The following SLC6A3 variants were observed in gnomAD, a reference collection of about 807,000 sequenced individuals.
The protein encoded by SLC6A3 is solute carrier family 6 member 3.
Under a neutral mutation model 70.4 loss-of-function variants are expected in SLC6A3, and 19 were observed. The observed-to-expected ratio is 0.27, with a 90% confidence interval of 0.19 to 0.40. The LOEUF (loss-of-function observed/expected upper bound fraction) is 0.40. SLC6A3 is among the 10% of genes least tolerant of loss of function. The probability of loss-of-function intolerance (pLI) is 1.00; values close to 1 mark genes in which losing one functional copy is unlikely to be tolerated. For missense variants in SLC6A3, 613 were observed against 838.5 expected (o/e 0.73, Z 3.32); for synonymous variants, 368 against 356.6 (o/e 1.03, Z -0.36).
At chr5:1,423,231 C>CA (rs70957364) in intron 4 of SLC6A3, among the ~76,000 whole-genome samples, 8 of 62,080 alleles carry the variant, frequency 1.3e-4, no homozygotes, top group African/African-American at 3.1e-4. Context: ...CCGCTGCCCA[C>CA]GGTGCTGCCC....
rs1755850687 is a variant in SLC6A3, at chr5:1,401,496, C to G, written c.1768-510G>C. On this transcript the variant is annotated intron_variant, in intron 13 of 14. Transcript: ENST00000270349. This position sits in a 1 kb window ranked among gnomAD's most constrained non-coding sequence, Gnocchi z 6.1. ...GGCAGCTCCTGGGGCCTGGACAGCA[C>G]CAAGTCCTCCCAGAGCAGGCAGCAT... 1.3e-5 allele frequency among the ~76,000 whole-genome samples: 2 copies of G among 152,194 alleles called. No homozygotes were observed. The highest frequency in any genetic ancestry group is 2.9e-5 in the Non-Finnish European group (2 of 68,020).
chr5:1,401,668 T>C lies in SLC6A3; in HGVS notation c.1768-682A>G, dbSNP rs940135656. Among the ~76,000 whole-genome samples, 1 of 152,194 alleles carries C rather than the reference T, an allele frequency of 6.6e-6. No individual in the cohort carries two copies. Among genetic ancestry groups the C allele is most frequent in the South Asian group, 2.1e-4 (1 of 4,832 alleles). ...CCTGGCTCAGCTGCTGAGGTTTTAC[T>C]TGGCTTACGTTCAGAGTTTGGCCAT... On this transcript the variant is annotated intron_variant, in intron 13 of 14. Coordinates refer to ENST00000270349, the MANE Select transcript of SLC6A3 (RefSeq NM_001044.5). The surrounding 1 kb of genome is among the most constrained non-coding windows in gnomAD (Gnocchi z 6.1).
At chr5:1,412,765 C>A (rs147393586) in intron 8 of SLC6A3, among the ~76,000 whole-genome samples, 2 of 152,228 alleles carry the variant, frequency 1.3e-5, no homozygotes, top group South Asian at 2.1e-4. Context: ...AATAGGCCTG[C>A]GCCTGGCCTT....
chr5:1,431,404 G>A (rs991856076), intron 4 of SLC6A3, among the ~76,000 whole-genome samples: 14 of 152,176 alleles, frequency 9.2e-5, no homozygotes, highest in African/African-American at 3.1e-4. Flanking sequence ...TGAGGGACGG[G>A]CCTGGATGGG....
At chr5:1,410,341 G>C (rs553982757) in intron 9 of SLC6A3, among the ~76,000 whole-genome samples, 15 of 152,308 alleles carry the variant, frequency 9.8e-5, no homozygotes, top group African/African-American at 3.1e-4. Flanking sequence ...TCTTCACCTT[G>C]CTCGGTCCAG....
intron 7 of SLC6A3, among the ~76,000 whole-genome samples, chr5:1,415,084 G>A (rs1380799574): frequency 6.6e-6 from 1 of 152,094 alleles, no homozygotes; most frequent in Non-Finnish European, 1.5e-5. Context: ...CGCGAGTCTT[G>A]CTGTGGACAC....
In SLC6A3 at chr5:1,411,230, G is replaced by A; in HGVS notation, c.1269+13C>T. ...ACTGCCGAGGACAGGGCCGGGCGGT[G>A]CGGGTTACTCACGGCGCTGTCGATA... is the stretch of plus-strand genomic sequence containing the variant. On this transcript the variant is annotated intron_variant, in intron 9 of 14. Transcript: ENST00000270349. The surrounding 1 kb of genome is among the most constrained non-coding windows in gnomAD (Gnocchi z 6.5). 3 of 1,526,274 alleles carry A rather than the reference G, an allele frequency of 2.0e-6. No homozygotes were observed. Among genetic ancestry groups the A allele is most frequent in the Non-Finnish European group, 2.7e-6 (3 of 1,124,956 alleles). The allele number at this position is 1,526,274 out of a possible 1,614,324, so 94.5% of individuals were successfully genotyped here. A position where few individuals can be genotyped will look rare whatever the true frequency, so the allele number is the denominator to read the frequency against.
chr5:1,411,129 T>C lies in SLC6A3; in HGVS notation c.1269+114A>G. Reference sequence around the variant, plus strand: ...GCTCGCCCAAGTCAAGGACAGGAGGTCTGGGGGCCGTACGTGAGCCCAGGG... The same window carrying C: ...GCTCGCCCAAGTCAAGGACAGGAGGCCTGGGGGCCGTACGTGAGCCCAGGG... On this transcript the variant is annotated intron_variant, in intron 9 of 14. Transcript: ENST00000270349. The surrounding 1 kb of genome is among the most constrained non-coding windows in gnomAD (Gnocchi z 6.5). The C allele has an allele frequency of 1.3e-6, 1 of 750,290 alleles. No homozygotes were observed. The highest frequency in any genetic ancestry group is 1.7e-5 in the African/African-American group (1 of 57,954). The allele number at this position is 750,290 out of a possible 1,614,324, so 46.5% of individuals were successfully genotyped here. A position where few individuals can be genotyped will look rare whatever the true frequency, so the allele number is the denominator to read the frequency against.
rs959883434 is a variant in SLC6A3, at chr5:1,436,880, C to T, written c.419-4182G>A. Among the ~76,000 whole-genome samples the T allele has an allele frequency of 2.0e-5, 3 of 152,162 alleles. No homozygotes were observed. Among genetic ancestry groups the T allele is most frequent in the Non-Finnish European group, 2.9e-5 (2 of 68,042 alleles). ...GGAGAGGGTGTTGTCAACGCATGCA[C>T]GGATCCCGCTGGAGGAAGCCTCTGG... On this transcript the variant is annotated intron_variant, in intron 3 of 14. Coordinates refer to ENST00000270349, the MANE Select transcript of SLC6A3 (RefSeq NM_001044.5). This position sits in a 1 kb window ranked among gnomAD's most constrained non-coding sequence, Gnocchi z 5.2.
intron 3 of SLC6A3, among the ~76,000 whole-genome samples, chr5:1,434,799 C>T (rs571156415): frequency 1.3e-5 from 2 of 152,194 alleles, no homozygotes; most frequent in Admixed American, 6.5e-5. Context: ...TTTATAGTCT[C>T]AATCCTTAGG....
rs969466943 is a variant in SLC6A3, at chr5:1,436,888, G to A, written c.419-4190C>T. 2.6e-5 allele frequency among the ~76,000 whole-genome samples: 4 copies of A among 152,166 alleles called. No individual in the cohort carries two copies. The highest frequency in any genetic ancestry group is 4.4e-5 in the Non-Finnish European group (3 of 68,010). On this transcript the variant is annotated intron_variant, in intron 3 of 14. Coordinates refer to ENST00000270349, the MANE Select transcript of SLC6A3 (RefSeq NM_001044.5). This position sits in a 1 kb window ranked among gnomAD's most constrained non-coding sequence, Gnocchi z 5.2. The stretch of plus-strand genomic sequence containing the variant: ...TGTTGTCAACGCATGCACGGATCCC[G>A]CTGGAGGAAGCCTCTGGTGGAGCAG...
rs1389162966 is a variant in SLC6A3, at chr5:1,413,089, C to T, written c.1156+1602G>A. On this transcript the variant is annotated intron_variant, in intron 8 of 14. Coordinates refer to ENST00000270349, the MANE Select transcript of SLC6A3 (RefSeq NM_001044.5). This position sits in a 1 kb window ranked among gnomAD's most constrained non-coding sequence, Gnocchi z 7.1. Reference sequence around the variant, plus strand: ...GAATTAAGGCTGTAAATGACATTTACTTTGCTTGTCATGAAATGCACAGAA... The same window carrying T: ...GAATTAAGGCTGTAAATGACATTTATTTTGCTTGTCATGAAATGCACAGAA... Among the ~76,000 whole-genome samples the T allele has an allele frequency of 1.3e-5, 2 of 152,246 alleles. No individual in the cohort carries two copies. Among genetic ancestry groups the T allele is most frequent in the African/African-American group, 4.8e-5 (2 of 41,464 alleles).
chr5:1,400,333 C>T (rs1047307587), intron 14 of SLC6A3, among the ~76,000 whole-genome samples: 4 of 152,202 alleles, frequency 2.6e-5, no homozygotes, highest in Non-Finnish European at 4.4e-5. Flanking sequence ...AGTAAAAACA[C>T]GTCAAGTGTT....
rs1354734950 is a variant in SLC6A3, at chr5:1,437,953, G to T, written c.418+3406C>A. On this transcript the variant is annotated intron_variant, in intron 3 of 14. Transcript: ENST00000270349. This position sits in a 1 kb window ranked among gnomAD's most constrained non-coding sequence, Gnocchi z 4.8. ...ATTTTTAAAAAGGACAAAGGCACATGTATCAGGGTGCCGGGGGTGCATGGT... is the reference window on the plus strand; with the variant it reads ...ATTTTTAAAAAGGACAAAGGCACATTTATCAGGGTGCCGGGGGTGCATGGT... Among the ~76,000 whole-genome samples, 1 of 152,232 alleles carries T rather than the reference G, an allele frequency of 6.6e-6. No homozygotes were observed. Among genetic ancestry groups the T allele is most frequent in the Non-Finnish European group, 1.5e-5 (1 of 68,034 alleles).
intron 4 of SLC6A3, among the ~76,000 whole-genome samples, chr5:1,426,977 G>C (rs1472366375): frequency 6.6e-6 from 1 of 152,154 alleles, no homozygotes; most frequent in Non-Finnish European, 1.5e-5. Context: ...CCCCCAAGAA[G>C]GCAAAATACT....
In SLC6A3 at chr5:1,394,841, G is replaced by A. The variant is rs1755677151; in HGVS notation, c.1840-83C>T. ...CTGAAGGTGGCTAAGAGCAGCTGAA[G>A]GCAGTGAGCAGACAGTTTGCAGCCT... On this transcript the variant is annotated intron_variant, in intron 14 of 14. Transcript: ENST00000270349. The surrounding 1 kb of genome is among the most constrained non-coding windows in gnomAD (Gnocchi z 4.7). The A allele has an allele frequency of 6.7e-7, 1 of 1,483,806 alleles. No individual in the cohort carries two copies. Among genetic ancestry groups the A allele is most frequent in the South Asian group, 1.1e-5 (1 of 88,298 alleles). The allele number at this position is 1,483,806 out of a possible 1,614,324, so 91.9% of individuals were successfully genotyped here.
chr5:1,432,518 T>C lies in SLC6A3; in HGVS notation c.599A>G (p.Asp200Gly), dbSNP rs1391076625. Residue 200 changes from aspartate to glycine, a missense_variant, in exon 4 of 15, where the codon GAC becomes GGC. This residue lies in a region of SLC6A3 where 153 missense variants were observed against 249.4 expected (regional missense o/e 0.61). Transcript: ENST00000270349. ...AAAAGTGTCGTTGAGGCCCGAGCTG[T>C]CTCCACTGGAGTCACCAGGATGGGC... ...SDAHPGDSSG[D>G]SSGLNDTFGT... The C allele has an allele frequency of 1.2e-6, 2 of 1,614,138 alleles. No homozygotes were observed. The highest frequency in any genetic ancestry group is 1.7e-6 in the Non-Finnish European group (2 of 1,180,012).
chr5:1,406,438 C>A lies in SLC6A3; in HGVS notation c.1499-150G>T, dbSNP rs1039053017. ...CAGCCTCCTGCAGAGGAGGCCAGGCCACACCCCAGCCCACTGGGTGCCTCG... is the reference window on the plus strand; with the variant it reads ...CAGCCTCCTGCAGAGGAGGCCAGGCAACACCCCAGCCCACTGGGTGCCTCG... On this transcript the variant is annotated intron_variant, in intron 11 of 14. Transcript: ENST00000270349. This position sits in a 1 kb window ranked among gnomAD's most constrained non-coding sequence, Gnocchi z 8.8. The A allele has an allele frequency of 5.7e-6, 4 of 706,412 alleles. No individual in the cohort carries two copies. Among genetic ancestry groups the A allele is most frequent in the Non-Finnish European group, 7.6e-6 (3 of 394,514 alleles). The allele number at this position is 706,412 out of a possible 1,614,324, so 43.8% of individuals were successfully genotyped here. A position where few individuals can be genotyped will look rare whatever the true frequency, so the allele number is the denominator to read the frequency against.
Position 1,406,133 on chromosome 5 carries a change from C to T in SLC6A3, c.1599+55G>A. ...GGGCGCTGGACCTCGGGGCAGGTGC[C>T]AGAGTGGGGGCAGTGGGCAGACGGG... is the stretch of plus-strand genomic sequence containing the variant. On this transcript the variant is annotated intron_variant, in intron 12 of 14. Coordinates refer to ENST00000270349, the MANE Select transcript of SLC6A3 (RefSeq NM_001044.5). This position sits in a 1 kb window ranked among gnomAD's most constrained non-coding sequence, Gnocchi z 8.8. 1 of 1,329,558 alleles carries T rather than the reference C, an allele frequency of 7.5e-7. No individual in the cohort carries two copies. Among genetic ancestry groups the T allele is most frequent in the Non-Finnish European group, 1.1e-6 (1 of 921,310 alleles). The allele number at this position is 1,329,558 out of a possible 1,614,324, so 82.4% of individuals were successfully genotyped here. A position where few individuals can be genotyped will look rare whatever the true frequency, so the allele number is the denominator to read the frequency against.
Sources: gnomAD v4.1 joint callset for allele counts (sites outside exome capture counted in the v4.1 genomes callset) on GRCh38, gnomAD v4.1.1 for gene constraint, gnomAD v4.1.1 regional missense constraint, Gnocchi (gnomAD v3.1) non-coding constraint, MANE v1.5 for transcripts, NCBI Gene and HGNC (gene_info 2026-07-23, HGNC 2026-07-21) for gene names.